SCML4: variants seen among roughly 807,000 people sequenced by gnomAD.
The protein encoded by SCML4 is sex comb on midleg-like protein 4.
A neutral mutation model predicts 41.1 loss-of-function variants in SCML4; 34 were observed. The ratio of observed to expected loss-of-function variants is 0.83; its 90% CI spans 0.63 to 1.10. The LOEUF (loss-of-function observed/expected upper bound fraction) is 1.10, where lower values mean the gene tolerates loss of function less well. SCML4 is among the 50% of genes least tolerant of loss of function. The pLI is 0.00. For missense variants in SCML4, 522 were observed against 534.1 expected, an observed-to-expected ratio of 0.98 and a Z score of 0.22; for synonymous variants, 214 against 220.9, an observed-to-expected ratio of 0.97 and a Z score of 0.28.
chr6:107,715,768 G>C (rs1225074094), intron 6 of SCML4, among the ~76,000 whole-genome samples: 3 of 152,186 alleles, frequency 2.0e-5, no homozygotes, highest in Non-Finnish European at 4.4e-5. Flanking sequence ...TGAGGAGTTT[G>C]TCAAGTCATC....
chr6:107,775,559 A>G (rs1479067273), intron 1 of SCML4, among the ~76,000 whole-genome samples: 1 of 152,262 alleles, frequency 6.6e-6, no homozygotes, highest in African/African-American at 2.4e-5. Flanking sequence ...AGATTTCATA[A>G]GAAGTAGAAA....
At chr6:107,823,538 A>G (rs1785099271) in intron 1 of SCML4, among the ~76,000 whole-genome samples, 1 of 152,230 alleles carries the variant, frequency 6.6e-6, no homozygotes, top group South Asian at 2.1e-4. Context: ...AACTAGCAGT[A>G]AATATTATTC....
chr6:107,785,876 G>A (rs1216083339), intron 1 of SCML4, among the ~76,000 whole-genome samples: 2 of 152,158 alleles, frequency 1.3e-5, no homozygotes, highest in East Asian at 3.9e-4. Flanking sequence ...AACAGCCAAG[G>A]GAGGGGCAGA....
chr6:107,773,911 A>G (rs1459834107), intron 1 of SCML4, among the ~76,000 whole-genome samples: 3 of 152,256 alleles, frequency 2.0e-5, no homozygotes, highest in Non-Finnish European at 4.4e-5. Context: ...CTACAAGGAC[A>G]AGATTGCTCT....
At chr6:107,767,323 C>T (rs1292917863) in intron 2 of SCML4, among the ~76,000 whole-genome samples, 1 of 152,080 alleles carries the variant, frequency 6.6e-6, no homozygotes, top group South Asian at 2.1e-4. Context: ...CCACAGAACC[C>T]GTGATGCCAA....
Position 107,707,962 on chromosome 6 carries a change from C to A in SCML4, c.1023G>T (p.Arg341Ser), listed in dbSNP as rs1318495813. 1.9e-6 allele frequency: 3 copies of A among 1,551,604 alleles called. No homozygotes were observed. Among genetic ancestry groups the A allele is most frequent in the East Asian group, 2.4e-5 (1 of 40,896 alleles). Residue 341 changes from arginine to serine, a missense_variant, in exon 7 of 8, where the codon AGG (arginine) becomes AGT (serine). Physicochemically the swap from Arg to Ser is moderately radical, Grantham distance 110. Transcript: ENST00000369020. ...DAQDARRPRS[R>S]NPSAWTVEDV... ...CCTCCACAGTCCAGGCGGAGGGGTT[C>A]CTGCTCCGTGGCCGCCTGGCATCCT...
chr6:107,833,031 T>C, the SCML4 span, among the ~76,000 whole-genome samples: 4 of 152,172 alleles, frequency 2.6e-5, no homozygotes, highest in African/African-American at 9.7e-5. Context: ...AGGAGGCCAC[T>C]ATGCGGGGAG....
chr6:107,731,151 G>A (rs1054459573), intron 5 of SCML4, among the ~76,000 whole-genome samples: 11 of 152,298 alleles, frequency 7.2e-5, no homozygotes, highest in African/African-American at 2.2e-4. Context: ...GAGAGAGAAA[G>A]AGAAAGTCCC....
At position 107,778,225 on chromosome 6, in the gene SCML4, ATATATATATAT is replaced by A. The variant is rs1562248921; in HGVS notation, c.-59-5850_-59-5840del. Reference sequence around the variant, plus strand: ...AAAAAAAAAAAAAAAAAAAAAAAATATATATATATATATATATATATATATATATATATATA... The same window carrying A: ...AAAAAAAAAAAAAAAAAAAAAAAATAATATATATATATATATATATATATA... On this transcript the variant is annotated intron_variant, in intron 1 of 7. Transcript: ENST00000369020. Among the ~76,000 whole-genome samples, 29 of 6,332 alleles carry A rather than the reference ATATATATATAT, an allele frequency of 4.6e-3. 2 individuals are homozygous for A. The highest frequency in any genetic ancestry group is 0.04 in the East Asian group (2 of 50). 4.2% of individuals were successfully genotyped at this position (6,332 alleles called of 152,430 possible).
chr6:107,759,356 CATACATACATAA>C (rs1221799970), intron 2 of SCML4, among the ~76,000 whole-genome samples: 5 of 151,680 alleles, frequency 3.3e-5, no homozygotes, highest in East Asian at 3.9e-4. Flanking sequence ...TACATACATA[CATACATACATAA>C]GGCTGCTGTT....
intron 6 of SCML4, among the ~76,000 whole-genome samples, chr6:107,717,144 A>T (rs1267837928): frequency 3.9e-4 from 2 of 5,078 alleles, no homozygotes; most frequent in African/African-American, 8.5e-4. Flanking sequence ...CTAAAAATAC[A>T]AAAAAAAAAA....
intron 1 of SCML4, among the ~76,000 whole-genome samples, chr6:107,773,758 G>A (rs925360680): frequency 2.6e-5 from 4 of 152,168 alleles, no homozygotes; most frequent in Admixed American, 2.0e-4. Context: ...CAGAACTTTA[G>A]ACTTTGATTC....
intron 5 of SCML4, among the ~76,000 whole-genome samples, chr6:107,737,257 G>A (rs1236655773): frequency 1.3e-5 from 2 of 152,136 alleles, no homozygotes; most frequent in African/African-American, 2.4e-5. Flanking sequence ...GAGAACAGAG[G>A]GATACCTTCT....
At chr6:107,781,624 T>G (rs945382807) in intron 1 of SCML4, among the ~76,000 whole-genome samples, 27 of 151,622 alleles carry the variant, frequency 1.8e-4, no homozygotes, top group South Asian at 4.2e-4. Flanking sequence ...AAGCCGTTAT[T>G]GTGCCACTGC....
chr6:107,755,372 G>A (rs773439688), intron 2 of SCML4, among the ~76,000 whole-genome samples: 3 of 152,108 alleles, frequency 2.0e-5, no homozygotes, highest in Non-Finnish European at 2.9e-5. Context: ...AAAAAATCAC[G>A]AGTAGAAATA....
chr6:107,806,832 T>G (rs1783767413), intron 1 of SCML4, among the ~76,000 whole-genome samples: 1 of 152,208 alleles, frequency 6.6e-6, no homozygotes, highest in Non-Finnish European at 1.5e-5. Flanking sequence ...CTGCCATCTG[T>G]TTCTCTAGAT....
chr6:107,740,158 T>C, intron 5 of SCML4: 1 of 470,952 alleles, frequency 2.1e-6, no homozygotes, highest in Non-Finnish European at 4.4e-6. Flanking sequence ...GTCATCCTCC[T>C]GGAATAAGAT....
the SCML4 span, among the ~76,000 whole-genome samples, chr6:107,838,201 C>T: frequency 6.6e-6 from 1 of 152,172 alleles, no homozygotes; most frequent in Non-Finnish European, 1.5e-5. Flanking sequence ...AGCCACCACA[C>T]CCAGCCAACC....
chr6:107,707,664 T>C (rs1773790171), intron 7 of SCML4, among the ~76,000 whole-genome samples: 1 of 151,998 alleles, frequency 6.6e-6, no homozygotes, highest in Admixed American at 6.5e-5. Context: ...TAAAAACAAA[T>C]TAAGTGGTCA....
Sources: allele counts gnomAD v4.1 joint callset (sites outside exome capture counted in the v4.1 genomes callset), GRCh38; gene constraint gnomAD v4.1.1; transcripts MANE v1.5; gene names NCBI Gene and HGNC (gene_info 2026-07-23, HGNC 2026-07-21).